The following IMMP2L variants were observed in gnomAD, a reference collection of about 807,000 sequenced individuals.
The protein encoded by IMMP2L is mitochondrial inner membrane protease subunit 2.
In IMMP2L, 18 loss-of-function variants were observed where a neutral mutation model predicts 19.3. That is an observed-to-expected ratio of 0.93 (90% CI 0.64 to 1.38). The LOEUF (loss-of-function observed/expected upper bound fraction) is 1.38, where lower values mean the gene tolerates loss of function less well. IMMP2L is among the 40% of genes most tolerant of loss of function. The pLI, the probability that IMMP2L is intolerant of heterozygous loss-of-function variation, is 0.00. For missense variants in IMMP2L, 233 were observed against 218.2 expected (o/e 1.07, Z -0.43); for synonymous variants, 76 against 73.0 (o/e 1.04, Z -0.21).
intron 2 of IMMP2L, among the ~76,000 whole-genome samples, chr7:111,493,738 T>C (rs1388876666): frequency 6.9e-6 from 1 of 145,402 alleles, no homozygotes; most frequent in Non-Finnish European, 1.5e-5. Flanking sequence ...CCGGTCACGG[T>C]GGTTCACGCC....
At chr7:111,513,655 C>A (rs2132592770) in intron 2 of IMMP2L, among the ~76,000 whole-genome samples, 1 of 152,188 alleles carries the variant, frequency 6.6e-6, no homozygotes, top group East Asian at 1.9e-4. Context: ...TCTTCACTCC[C>A]ATTTCATTGC....
intron 1 of IMMP2L, among the ~76,000 whole-genome samples, chr7:111,528,246 A>G (rs1163002123): frequency 6.6e-6 from 1 of 152,156 alleles, no homozygotes; most frequent in East Asian, 1.9e-4. Flanking sequence ...CACCACAGTA[A>G]TAAGTACCTA....
At chr7:110,860,925 A>G (rs1807326320) in intron 5 of IMMP2L, among the ~76,000 whole-genome samples, 1 of 152,146 alleles carries the variant, frequency 6.6e-6, no homozygotes, top group Admixed American at 6.6e-5. Flanking sequence ...TAGTCAAATA[A>G]TAATGGATAA....
intron 3 of IMMP2L, among the ~76,000 whole-genome samples, chr7:111,258,338 CAAG>C (rs1034195223): frequency 2.0e-5 from 3 of 151,862 alleles, no homozygotes; most frequent in African/African-American, 7.3e-5. Context: ...TGATTGAAAA[CAAG>C]AAGATCAAGG....
chr7:111,020,500 G>A lies in IMMP2L; in HGVS notation c.240-56935C>T, dbSNP rs891083216. Among the ~76,000 whole-genome samples, 7 of 151,410 alleles carry A rather than the reference G, an allele frequency of 4.6e-5. No individual in the cohort carries two copies. The South Asian group carries it at 8.4e-4, about 18-fold the overall frequency. On this transcript the variant is annotated intron_variant, in intron 3 of 5. Coordinates refer to ENST00000405709, the MANE Select transcript of IMMP2L (RefSeq NM_032549.4). Reference sequence around the variant, plus strand: ...TTGTTGGCCGGGCAGGGTGGCTCACGCCTGTAATCCCAGCACTTTGGGATG... The same window carrying A: ...TTGTTGGCCGGGCAGGGTGGCTCACACCTGTAATCCCAGCACTTTGGGATG...
At chr7:110,964,979 G>A (rs948709122) in intron 3 of IMMP2L, among the ~76,000 whole-genome samples, 2 of 151,992 alleles carry the variant, frequency 1.3e-5, no homozygotes, top group African/African-American at 4.8e-5. Flanking sequence ...AAATTCGTGA[G>A]AGACCTTGAG....
intron 3 of IMMP2L, among the ~76,000 whole-genome samples, chr7:111,303,242 A>G (rs939165268): frequency 2.0e-5 from 3 of 152,104 alleles, no homozygotes; most frequent in Non-Finnish European, 4.4e-5. Context: ...AATAGCATGT[A>G]TTCTTTACAG....
chr7:110,735,982 A>T (rs1203432694), intron 5 of IMMP2L, among the ~76,000 whole-genome samples: 1 of 151,962 alleles, frequency 6.6e-6, no homozygotes, highest in Non-Finnish European at 1.5e-5. Context: ...AAAACAGCCC[A>T]GGGCTCCTGT....
At chr7:111,357,069 A>G (rs1017676576) in intron 3 of IMMP2L, among the ~76,000 whole-genome samples, 2 of 152,180 alleles carry the variant, frequency 1.3e-5, no homozygotes, top group African/African-American at 4.8e-5. Context: ...ATCAACTGGT[A>G]CAGTACTTTA....
intron 3 of IMMP2L, among the ~76,000 whole-genome samples, chr7:111,183,143 C>A (rs1732641263): frequency 6.6e-6 from 1 of 152,030 alleles, no homozygotes; most frequent in Admixed American, 6.6e-5. Context: ...CTGCTTAACC[C>A]CATGATGCCT....
rs115538858 is a variant in IMMP2L at position 111,303,750 on chromosome 7, G to T, written c.239+183488C>A. Among the ~76,000 whole-genome samples, 1,386 of 152,044 alleles carry T rather than the reference G, an allele frequency of 9.1e-3. 23 individuals are homozygous for T. The highest frequency in any genetic ancestry group is 0.031 in the African/African-American group (1,297 of 41,500). On this transcript the variant is annotated intron_variant, in intron 3 of 5. Coordinates refer to ENST00000405709, the MANE Select transcript of IMMP2L (RefSeq NM_032549.4). The stretch of plus-strand genomic sequence containing the variant: ...ATTTCTCTGTACAATTTTTAAAAAG[G>T]AAACACAAAAATCAATCTCACCACC...
intron 5 of IMMP2L, among the ~76,000 whole-genome samples, chr7:110,852,476 C>G (rs1806337004): frequency 6.6e-6 from 1 of 151,994 alleles, no homozygotes; most frequent in South Asian, 2.1e-4. Flanking sequence ...CATTATAAAA[C>G]AGAAATCCCC....
At chr7:111,348,017 T>C (rs1361837612) in intron 3 of IMMP2L, among the ~76,000 whole-genome samples, 1 of 151,578 alleles carries the variant, frequency 6.6e-6, no homozygotes, top group Non-Finnish European at 1.5e-5. Flanking sequence ...AAACCATCAC[T>C]CTGAGCAAAC....
intron 3 of IMMP2L, among the ~76,000 whole-genome samples, chr7:111,322,349 T>G (rs150015933): frequency 0.011 from 1,616 of 152,032 alleles, 30 homozygotes; most frequent in African/African-American, 0.036. Flanking sequence ...ATGCAGAATT[T>G]TAGTTCACAT....
intron 3 of IMMP2L, among the ~76,000 whole-genome samples, chr7:111,478,999 G>T (rs1373962831): frequency 1.3e-5 from 2 of 152,140 alleles, no homozygotes; most frequent in East Asian, 3.9e-4. Flanking sequence ...TTTGATTTTT[G>T]TAAGTAGTGG....
At chr7:111,298,080 G>C (rs1821820523) in intron 3 of IMMP2L, among the ~76,000 whole-genome samples, 1 of 152,096 alleles carries the variant, frequency 6.6e-6, no homozygotes, top group Admixed American at 6.6e-5. Context: ...AGTTGAAAAT[G>C]TGGCGTATGC....
Position 111,014,052 on chromosome 7 carries a change from C to T in IMMP2L, c.240-50487G>A, listed in dbSNP as rs190466874. Among the ~76,000 whole-genome samples the T allele has an allele frequency of 1.7e-3, 265 of 152,160 alleles. 1 individual carries two copies. Among genetic ancestry groups the T allele is most frequent in the African/African-American group, 5.9e-3 (246 of 41,510 alleles). The stretch of plus-strand genomic sequence containing the variant: ...GGCAATTACTTTTCAGAAAAGTAGG[C>T]ATATCCATAATCAAATATAAGTACA... On this transcript the variant is annotated intron_variant, in intron 3 of 5. Coordinates refer to ENST00000405709, the MANE Select transcript of IMMP2L (RefSeq NM_032549.4).
intron 3 of IMMP2L, among the ~76,000 whole-genome samples, chr7:111,108,330 G>A (rs1356538488): frequency 6.6e-6 from 1 of 152,068 alleles, no homozygotes; most frequent in Non-Finnish European, 1.5e-5. Context: ...AATTCTGAAA[G>A]TCTGTGGCAC....
At chr7:110,988,653 C>T (rs1157353412) in intron 3 of IMMP2L, among the ~76,000 whole-genome samples, 1 of 151,916 alleles carries the variant, frequency 6.6e-6, no homozygotes, top group Non-Finnish European at 1.5e-5. Flanking sequence ...TATATACATG[C>T]CCAGATTCTA....
Sources: allele counts gnomAD v4.1 joint callset (sites outside exome capture counted in the v4.1 genomes callset), GRCh38; gene constraint gnomAD v4.1.1; transcripts MANE v1.5; gene names NCBI Gene and HGNC (gene_info 2026-07-23, HGNC 2026-07-21).